The following CALR3 variants were observed in gnomAD, a reference collection of about 807,000 sequenced individuals.
The protein encoded by CALR3 is calreticulin 3, also known as calreticulin-3.
A neutral mutation model predicts 48.7 loss-of-function variants in CALR3; 39 were observed. The observed-to-expected ratio is 0.80, with a 90% CI of 0.62 to 1.05. The LOEUF is 1.05. CALR3 is among the 50% of genes least tolerant of loss of function. The pLI is 0.00. For synonymous variants in CALR3, 185 were observed against 172.7 expected, an observed-to-expected ratio of 1.07 and a Z score of -0.56; for missense variants, 449 against 474.7, an observed-to-expected ratio of 0.95 and a Z score of 0.50.
intron 3 of CALR3, among the ~76,000 whole-genome samples, chr19:16,488,486 C>T (rs145940136): frequency 0.017 from 2,579 of 150,838 alleles, 29 homozygotes; most frequent in Middle Eastern, 0.031. Context: ...CTCACTGCAA[C>T]CTCCACCTCC....
At chr19:16,490,060 C>T (rs1162968611) in intron 3 of CALR3, among the ~76,000 whole-genome samples, 1 of 152,116 alleles carries the variant, frequency 6.6e-6, no homozygotes, top group Non-Finnish European at 1.5e-5. Context: ...AAAAAAATTT[C>T]CAAAATCCAA....
chr19:16,490,308 T>A lies in CALR3; in HGVS notation c.397+59A>T, dbSNP rs980330206. 1.4e-5 allele frequency: 21 copies of A among 1,463,218 alleles called. 1 individual carries two copies. In the African/African-American group the frequency reaches 2.2e-4, roughly 15 times the overall value. 90.6% of individuals were successfully genotyped at this position (1,463,218 alleles called of 1,614,324 possible). ...GCAAAGTCTTAGTCTAAAGATCCTG[T>A]GAAGTGGGAGGGTTTTCAAAGTCAC... On this transcript the variant is annotated intron_variant, in intron 3 of 8. Transcript: ENST00000269881.
Position 16,480,711 on chromosome 19 carries a change from A to G in CALR3, c.919-5T>C. On this transcript the variant is annotated splice_region_variant and splice_polypyrimidine_tract_variant and intron_variant, in intron 7 of 8. Coordinates refer to ENST00000269881, the MANE Select transcript of CALR3 (RefSeq NM_145046.5). Reference sequence around the variant, plus strand: ...AAAAATGGTTCCAGATCTCACCTGCAGATGAAAATAAGGCCTTCATTATTA... The same window carrying G: ...AAAAATGGTTCCAGATCTCACCTGCGGATGAAAATAAGGCCTTCATTATTA... 6 of 1,588,002 alleles carry G rather than the reference A, an allele frequency of 3.8e-6. No individual in the cohort carries two copies. Among genetic ancestry groups the G allele is most frequent in the Non-Finnish European group, 5.2e-6 (6 of 1,156,396 alleles).
intron 3 of CALR3, among the ~76,000 whole-genome samples, chr19:16,489,847 AAAACAAAAAC>A (rs1288184903): frequency 2.6e-5 from 3 of 116,560 alleles, no homozygotes; most frequent in African/African-American, 6.2e-5. Flanking sequence ...AACAAAAACA[AAAACAAAAAC>A]AAACAAACAA....
At chr19:16,485,011 A>C in intron 4 of CALR3, 152 bp downstream of exon 4, 1 of 639,606 alleles carries the variant, frequency 1.6e-6, no homozygotes, top group Non-Finnish European at 2.8e-6. Context: ...AAGTATCTCC[A>C]ATGGGCCCCC....
rs762834315 is a variant in CALR3 at position 16,496,161 on chromosome 19, A to AC, written c.-33dup. On this transcript the variant is annotated 5_prime_UTR_variant, in exon 1 of 9. Coordinates refer to ENST00000269881, the MANE Select transcript of CALR3 (RefSeq NM_145046.5). ...GTGCACTGCGCTTCCGGTCGCCGCC[A>AC]CCCCTTAGCTCCCAGCTCTCTCTGC... is the stretch of plus-strand genomic sequence containing the variant. The AC allele has an allele frequency of 6.5e-5, 100 of 1,542,038 alleles. No homozygotes were observed. The African/African-American group carries it at 8.2e-4, about 13-fold the overall frequency.
chr19:16,488,001 G>C (rs1251389197), intron 3 of CALR3, among the ~76,000 whole-genome samples: 1 of 152,086 alleles, frequency 6.6e-6, no homozygotes, highest in Non-Finnish European at 1.5e-5. Flanking sequence ...TTTTAGTAGA[G>C]ACGGGGTTTC....
chr19:16,490,666 A>T, intron 2 of CALR3, 96 bp from the exon 3 acceptor site: 1 of 1,094,222 alleles, frequency 9.1e-7, no homozygotes, highest in Non-Finnish European at 1.4e-6. Flanking sequence ...CCCAAACATA[A>T]ATGTCCTAAC....
At position 16,485,172 on chromosome 19, in the gene CALR3, G is replaced by T. The variant is rs143158265; in HGVS notation, c.483C>A (p.Ile161=). The change falls in exon 4 of 9, where the codon ATC becomes ATA. Residue 161 remains isoleucine (I), a synonymous_variant. Coordinates refer to ENST00000269881, the MANE Select transcript of CALR3 (RefSeq NM_145046.5). The stretch of plus-strand genomic sequence containing the variant: ...ATACAAGAGCAGTTACCTTACACCT[G>T]ATCAGTTTCTTGTTTTCGTGATACT... ...KNKYHENKKL[I]RCKVDGFTHL... 1,784 of 1,596,318 alleles carry T rather than the reference G, an allele frequency of 1.1e-3. 12 individuals are homozygous for T. The highest frequency in any genetic ancestry group is 5.0e-4 in the Non-Finnish European group (578 of 1,164,090).
At chr19:16,489,301 G>C (rs1232423269) in intron 3 of CALR3, among the ~76,000 whole-genome samples, 1 of 151,958 alleles carries the variant, frequency 6.6e-6, no homozygotes, top group Non-Finnish European at 1.5e-5. Context: ...CCAGGAGTTC[G>C]AGACCAGCCT....
chr19:16,493,365 T>C (rs1290140184), intron 2 of CALR3, among the ~76,000 whole-genome samples: 1 of 152,202 alleles, frequency 6.6e-6, no homozygotes, highest in Non-Finnish European at 1.5e-5. Context: ...ATGGTCATTA[T>C]CTATCAAGCC....
rs747141034 is a variant in CALR3 at position 16,496,048 on chromosome 19, G to C, written c.82C>G (p.Leu28Val). The C allele has an allele frequency of 1.3e-6, 2 of 1,597,914 alleles. No homozygotes were observed. Among genetic ancestry groups the C allele is most frequent in the Non-Finnish European group, 1.7e-6 (2 of 1,171,920 alleles). The part of the protein sequence containing the change: ...LATVYFQEEF[L>V]DGEHWRNRWL... The stretch of plus-strand genomic sequence containing the variant: ...GGCGTGGCCCCTTCACCTCCGTCTA[G>C]AAATTCCTCTTGGAAATAGACGGTA... Residue 28 changes from leucine to valine, a missense_variant, in exon 1 of 9, where the codon CTA becomes GTA. Leu to Val is a conservative substitution (Grantham distance 32). Coordinates refer to ENST00000269881, the MANE Select transcript of CALR3 (RefSeq NM_145046.5).
rs1305832422 is a variant in CALR3, at chr19:16,486,673, A to C, written c.398-1416T>G. Among the ~76,000 whole-genome samples the C allele has an allele frequency of 2.6e-5, 4 of 152,032 alleles. No individual in the cohort carries two copies. In the East Asian group the frequency reaches 7.7e-4, roughly 29 times the overall value. The stretch of plus-strand genomic sequence containing the variant: ...ACATGTAATGGATGTTCATGAGGAA[A>C]TGTAGACAGATGGGCTCTGTGTTGC... On this transcript the variant is annotated intron_variant, in intron 3 of 8. Transcript: ENST00000269881.
intron 2 of CALR3, among the ~76,000 whole-genome samples, chr19:16,494,897 T>C (rs1278929235): frequency 6.6e-6 from 1 of 152,196 alleles, no homozygotes; most frequent in Non-Finnish European, 1.5e-5. Context: ...AAGCTGAATA[T>C]GTCTCCTTGG....
At position 16,494,790 on chromosome 19, in the gene CALR3, G is replaced by A. The variant is rs971954010; in HGVS notation, c.193+961C>T. 2.0e-5 allele frequency among the ~76,000 whole-genome samples: 3 copies of A among 152,178 alleles called. No homozygotes were observed. In the East Asian group the frequency reaches 5.8e-4, roughly 29 times the overall value. On this transcript the variant is annotated intron_variant, in intron 2 of 8. Coordinates refer to ENST00000269881, the MANE Select transcript of CALR3 (RefSeq NM_145046.5). ...TATTAAGAGGGGCAATTTTGGTAATGCCTACTAATAACACATTCATATAAA... is the reference window on the plus strand; with the variant it reads ...TATTAAGAGGGGCAATTTTGGTAATACCTACTAATAACACATTCATATAAA...
intron 8 of CALR3, 111 bp from the exon 9 acceptor site, chr19:16,479,385 A>C: frequency 8.2e-7 from 1 of 1,226,650 alleles, no homozygotes; most frequent in Non-Finnish European, 1.2e-6. Flanking sequence ...GGAGATCGAG[A>C]CCATCCCGGC....
At chr19:16,495,985 G>C (rs1282346053) in intron 1 of CALR3, 54 bp downstream of exon 1, 3 of 1,568,656 alleles carry the variant, frequency 1.9e-6, no homozygotes, top group East Asian at 2.3e-5. Context: ...CCAGCCTTAG[G>C]GGGCGGAGAT....
chr19:16,491,059 C>T (rs2093397215), intron 2 of CALR3, among the ~76,000 whole-genome samples: 1 of 148,972 alleles, frequency 6.7e-6, no homozygotes, highest in Admixed American at 6.7e-5. Context: ...CGTGCCTGGC[C>T]CATACAACTT....
In CALR3 at chr19:16,490,490, C is replaced by A; in HGVS notation, c.274G>T (p.Val92Phe). 6.2e-7 allele frequency: 1 copy of A among 1,614,120 alleles called. No individual in the cohort carries two copies. The highest frequency in any genetic ancestry group is 8.5e-7 in the Non-Finnish European group (1 of 1,180,036). The change falls in exon 3 of 9, where the codon GTT (valine) becomes TTT (phenylalanine). Residue 92 changes from valine to phenylalanine, a missense_variant. Coordinates refer to ENST00000269881, the MANE Select transcript of CALR3 (RefSeq NM_145046.5). ...TCATGTTTTACTGTGTACTGAATAA[C>A]CAGAGTTTTCCCTTTATTGCTGAAC... ...KPFSNKGKTL[V>F]IQYTVKHEQK...
Sources: gnomAD v4.1 joint callset for allele counts (sites outside exome capture counted in the v4.1 genomes callset) on GRCh38, gnomAD v4.1.1 for gene constraint, MANE v1.5 for transcripts, NCBI Gene and HGNC (gene_info 2026-07-23, HGNC 2026-07-21) for gene names.